EIF4E2: variants seen among roughly 807,000 people sequenced by gnomAD.
EIF4E2 encodes eukaryotic translation initiation factor 4E type 2.
Under a neutral mutation model 34.2 loss-of-function variants are expected in EIF4E2, and 13 were observed. The observed-to-expected ratio is 0.38, with a 90% CI of 0.25 to 0.60. The LOEUF (loss-of-function observed/expected upper bound fraction) is 0.60, where lower values mean the gene tolerates loss of function less well. EIF4E2 is among the 20% of genes least tolerant of loss of function. The pLI, the probability that EIF4E2 is intolerant of heterozygous loss-of-function variation, is 0.62. For synonymous variants in EIF4E2, 100 were observed against 106.6 expected, an observed-to-expected ratio of 0.94 and a Z score of 0.38; for missense variants, 222 against 315.1, an observed-to-expected ratio of 0.70 and a Z score of 2.24.
At chr2:232,582,625 T>A (rs1693385880) in exon 7 of EIF4E2, 1 of 152,226 alleles carries the variant, frequency 6.6e-6, no homozygotes, top group Non-Finnish European at 1.5e-5. Flanking sequence ...AGGTCTTCAC[T>A]TTTGCCTAAA....
chr2:232,563,121 T>G (rs1692780596), intron 3 of EIF4E2, among the ~76,000 whole-genome samples: 1 of 152,244 alleles, frequency 6.6e-6, no homozygotes, highest in African/African-American at 2.4e-5. Flanking sequence ...GTATGTTGAT[T>G]TAGAGCCTGC....
intron 3 of EIF4E2, among the ~76,000 whole-genome samples, chr2:232,563,854 GAC>G (rs1243171732): frequency 4.6e-5 from 7 of 152,224 alleles, no homozygotes; most frequent in African/African-American, 1.7e-4. Flanking sequence ...GAGGCTGTGT[GAC>G]ACTTACATAC....
chr2:232,582,838 C>G (rs1430455063), exon 7 of EIF4E2: 2 of 152,154 alleles, frequency 1.3e-5, no homozygotes, highest in Non-Finnish European at 1.5e-5. Context: ...AGTTTTGAAT[C>G]TTACGTTTTC....
At chr2:232,579,484 TCTC>T (rs1407933845) in intron 6 of EIF4E2, among the ~76,000 whole-genome samples, 1 of 152,196 alleles carries the variant, frequency 6.6e-6, no homozygotes, top group African/African-American at 2.4e-5. Flanking sequence ...CAGTTTTTCT[TCTC>T]AGTTCTTGTC....
intron 6 of EIF4E2, chr2:232,580,778 G>A (rs929423359): frequency 2.4e-6 from 2 of 821,574 alleles, no homozygotes; most frequent in Non-Finnish European, 3.7e-6. Context: ...GGCAAGTGAA[G>A]AAGGCCCCGG....
intron 6 of EIF4E2, among the ~76,000 whole-genome samples, chr2:232,577,894 A>G (rs370244156): frequency 6.6e-6 from 1 of 152,234 alleles, no homozygotes; most frequent in Admixed American, 6.5e-5. Context: ...TTAAAAGAAC[A>G]GAAGCACATT....
chr2:232,576,382 T>A (rs945713535), intron 6 of EIF4E2, among the ~76,000 whole-genome samples: 11 of 152,276 alleles, frequency 7.2e-5, no homozygotes, highest in African/African-American at 2.6e-4. Flanking sequence ...GGAAGAAAAC[T>A]CAAAATAACT....
intron 6 of EIF4E2, chr2:232,567,747 AG>A (rs1361044802): frequency 1.0e-6 from 1 of 988,532 alleles, no homozygotes; most frequent in African/African-American, 1.7e-5. Flanking sequence ...GGAAGCATGA[AG>A]GCCACAGGGA....
At chr2:232,557,661 C>A in intron 2 of EIF4E2, 1 of 518,722 alleles carries the variant, frequency 1.9e-6, no homozygotes. Flanking sequence ...GAGAAAGTTA[C>A]AAAGGCCATA....
exon 7 of EIF4E2, chr2:232,582,154 TA>T (rs1251045124): frequency 1.3e-5 from 2 of 152,736 alleles, no homozygotes; most frequent in Admixed American, 1.3e-4. Context: ...AGGATTCAAA[TA>T]AATAGCGTCA....
intron 6 of EIF4E2, 177 bp downstream of exon 6, chr2:232,567,391 G>A: frequency 7.0e-7 from 1 of 1,422,604 alleles, no homozygotes; most frequent in South Asian, 1.5e-5. Flanking sequence ...GAGGCTCCCT[G>A]CCACCTATAC....
chr2:232,557,517 C>T, intron 2 of EIF4E2: 1 of 211,940 alleles, frequency 4.7e-6, no homozygotes, highest in Non-Finnish European at 9.6e-6. Flanking sequence ...TACAATTTTC[C>T]TCATTTTGCA....
intron 1 of EIF4E2, among the ~76,000 whole-genome samples, chr2:232,553,578 G>C (rs1190451): frequency 0.77 from 116,660 of 152,164 alleles, 45,260 homozygotes; most frequent in Middle Eastern, 0.91. Flanking sequence ...CAGTCTCAGA[G>C]TTGCTAACTG....
chr2:232,568,465 T>C, intron 6 of EIF4E2: 1 of 985,326 alleles, frequency 1.0e-6, no homozygotes, highest in Non-Finnish European at 1.2e-6. Context: ...ACATTTTTCT[T>C]ATTCTCTATT....
Position 232,568,130 on chromosome 2 carries a change from C to T in EIF4E2, c.666-815C>T, listed in dbSNP as rs1692999662. 2.0e-6 allele frequency: 2 copies of T among 985,146 alleles called. 1 individual carries two copies. 61.0% of individuals were successfully genotyped at this position (985,146 alleles called of 1,614,324 possible). A position where few individuals can be genotyped will look rare whatever the true frequency, so the allele number is the denominator to read the frequency against. ...TCAGATGGAGAATGCTTTTACGGGG[C>T]CAAGTAGTAGTATTGCTATCATCAT... On this transcript the variant is annotated intron_variant, in intron 6 of 6. Coordinates refer to ENST00000258416, the MANE Select transcript of EIF4E2 (RefSeq NM_004846.4).
At chr2:232,580,338 A>T (rs1466414339) in intron 6 of EIF4E2, among the ~76,000 whole-genome samples, 2 of 151,694 alleles carry the variant, frequency 1.3e-5, no homozygotes, top group Non-Finnish European at 3.0e-5. Context: ...GTTAGATAAA[A>T]AGAAAGGGGG....
chr2:232,567,366 C>G, intron 6 of EIF4E2, 152 bp downstream of exon 6: 1 of 1,449,358 alleles, frequency 6.9e-7, no homozygotes, highest in Non-Finnish European at 9.1e-7. Context: ...CTACTTGCTG[C>G]AGTTCTTTGT....
At chr2:232,574,218 T>C in intron 6 of EIF4E2, 1 of 1,537,472 alleles carries the variant, frequency 6.5e-7, no homozygotes, top group Non-Finnish European at 8.8e-7. Flanking sequence ...TTCAAAAGCT[T>C]TTGATCTGAA....
intron 6 of EIF4E2, among the ~76,000 whole-genome samples, chr2:232,580,080 CATACCACACACACACACACA>C (rs1693308660): frequency 7.6e-6 from 1 of 131,488 alleles, no homozygotes; most frequent in South Asian, 2.6e-4. Flanking sequence ...CCCCCACATA[CATACCACACACACACACACA>C]CACACACACA....
Sources: allele counts gnomAD v4.1 joint callset (sites outside exome capture counted in the v4.1 genomes callset), GRCh38; gene constraint gnomAD v4.1.1; transcripts MANE v1.5; gene names NCBI Gene and HGNC (gene_info 2026-07-23, HGNC 2026-07-21).